The following UTS2 variants were observed in gnomAD, a reference collection of about 807,000 sequenced individuals.
The protein encoded by UTS2 is urotensin-2.
A neutral mutation model predicts 12.6 loss-of-function variants in UTS2; 10 were observed. The observed-to-expected ratio is 0.80, with a 90% confidence interval of 0.49 to 1.35. The LOEUF is 1.35. Among genes scored for constraint, UTS2 ranks in the 40% most tolerant of loss-of-function variants. The probability of loss-of-function intolerance (pLI) is 0.00; values close to 1 mark genes in which losing one functional copy is unlikely to be tolerated. For missense variants in UTS2, 142 were observed against 143.2 expected (o/e 0.99, Z 0.04); for synonymous variants, 52 against 50.0 (o/e 1.04, Z -0.17).
the UTS2 span, among the ~76,000 whole-genome samples, chr1:7,903,936 A>G: frequency 6.6e-6 from 1 of 152,112 alleles, no homozygotes; most frequent in Admixed American, 6.6e-5. Context: ...TCAAAAACGA[A>G]CTTCATGTGT....
chr1:7,871,633 C>A, the UTS2 span, among the ~76,000 whole-genome samples: 1 of 151,998 alleles, frequency 6.6e-6, no homozygotes, highest in African/African-American at 2.4e-5. Context: ...TCTATCAGCA[C>A]CGTTTTTCCA....
the UTS2 span, among the ~76,000 whole-genome samples, chr1:7,878,610 T>C: frequency 5.9e-5 from 9 of 152,194 alleles, no homozygotes; most frequent in African/African-American, 2.2e-4. Context: ...GTGCCTGTAG[T>C]CACAGCTATA....
the UTS2 span, among the ~76,000 whole-genome samples, chr1:7,903,962 A>G: frequency 6.6e-6 from 1 of 152,178 alleles, no homozygotes; most frequent in African/African-American, 2.4e-5. Context: ...TACCCGTCTG[A>G]TGTACCTTCC....
the UTS2 span, among the ~76,000 whole-genome samples, chr1:7,865,302 G>A: frequency 1.2e-5 from 1 of 81,154 alleles, no homozygotes; most frequent in Non-Finnish European, 2.3e-5. Context: ...CTCCCACAGC[G>A]GTCCCTCTGT....
chr1:7,891,551 A>AGAAAGAAAGAAG, the UTS2 span, among the ~76,000 whole-genome samples: 1 of 149,230 alleles, frequency 6.7e-6, no homozygotes, highest in Non-Finnish European at 1.5e-5. Flanking sequence ...AAAGAAAGAA[A>AGAAAGAAAGAAG]GAAAGAAAGA....
At chr1:7,894,732 A>G in the UTS2 span, among the ~76,000 whole-genome samples, 9 of 152,058 alleles carry the variant, frequency 5.9e-5, no homozygotes, top group African/African-American at 9.7e-5. Flanking sequence ...CTGTGATCCC[A>G]ACACTTTGGG....
chr1:7,906,453 AAG>A, the UTS2 span, among the ~76,000 whole-genome samples: 5 of 125,236 alleles, frequency 4.0e-5, no homozygotes, highest in African/African-American at 1.8e-4. Context: ...GAAAAAGAGA[AAG>A]AAAGAAAGAA....
At chr1:7,906,511 A>AAAAGAGG in the UTS2 span, among the ~76,000 whole-genome samples, 1 of 47,762 alleles carries the variant, frequency 2.1e-5, no homozygotes, top group Non-Finnish European at 5.0e-5. Context: ...AAGAAAGAAA[A>AAAAGAGG]GAGGGAGGGA....
At chr1:7,896,197 A>T in the UTS2 span, among the ~76,000 whole-genome samples, 2 of 152,164 alleles carry the variant, frequency 1.3e-5, no homozygotes, top group African/African-American at 2.4e-5. Flanking sequence ...TTTTTCTGTA[A>T]TTAGATACTT....
the UTS2 span, among the ~76,000 whole-genome samples, chr1:7,883,852 T>TC: frequency 6.6e-6 from 1 of 152,090 alleles, no homozygotes; most frequent in African/African-American, 2.4e-5. Flanking sequence ...ATTCTTTTTT[T>TC]TTTTTGAGAT....
intron 2 of UTS2, among the ~76,000 whole-genome samples, chr1:7,850,118 C>T (rs775789229): frequency 9.2e-5 from 14 of 151,896 alleles, no homozygotes; most frequent in Non-Finnish European, 1.3e-4. Flanking sequence ...TACAGGTGCC[C>T]GCCACCATGC....
At chr1:7,854,975 A>G (rs866921927), upstream of UTS2, among the ~76,000 whole-genome samples, 7 of 152,084 alleles carry the variant, frequency 4.6e-5, no homozygotes, top group African/African-American at 1.7e-4. Flanking sequence ...AGCCTGGCCA[A>G]TGTGGTGAAA....
the UTS2 span, among the ~76,000 whole-genome samples, chr1:7,889,474 G>A: frequency 3.4e-4 from 47 of 137,972 alleles, no homozygotes; most frequent in Middle Eastern, 8.3e-3. Context: ...GAAAAGAAAA[G>A]ATGAGAAAAG....
the UTS2 span, among the ~76,000 whole-genome samples, chr1:7,889,898 C>G: frequency 6.6e-6 from 1 of 151,984 alleles, no homozygotes; most frequent in Non-Finnish European, 1.5e-5. Flanking sequence ...AACCCCGTCT[C>G]TATTAAAAAA....
chr1:7,878,201 A>G, the UTS2 span, among the ~76,000 whole-genome samples: 1 of 152,228 alleles, frequency 6.6e-6, no homozygotes, highest in African/African-American at 2.4e-5. Context: ...TGAAAAACAA[A>G]GGAGAAAAAA....
chr1:7,854,527 AAG>A (rs1320032038), upstream of UTS2, among the ~76,000 whole-genome samples: 2 of 8,274 alleles, frequency 2.4e-4, no homozygotes, highest in African/African-American at 2.9e-3. Flanking sequence ...AAAAAAAAAA[AAG>A]AAGAAAGAAA....
chr1:7,901,357 T>C, the UTS2 span, among the ~76,000 whole-genome samples: 1 of 151,966 alleles, frequency 6.6e-6, no homozygotes, highest in Admixed American at 6.6e-5. Flanking sequence ...TAAATGTGGG[T>C]GGTGAAAGAG....
chr1:7,880,056 A>G, the UTS2 span, among the ~76,000 whole-genome samples: 2 of 152,066 alleles, frequency 1.3e-5, no homozygotes, highest in African/African-American at 4.8e-5. Flanking sequence ...TGGGAGTTTT[A>G]GATCAGCCTG....
intron 3 of UTS2, among the ~76,000 whole-genome samples, chr1:7,849,368 G>A (rs1483383211): frequency 1.3e-5 from 2 of 151,806 alleles, no homozygotes; most frequent in African/African-American, 2.4e-5. Context: ...GTGCCACCAC[G>A]CCCAGCTAAT....
Sources: allele counts gnomAD v4.1 joint callset (sites outside exome capture counted in the v4.1 genomes callset), GRCh38; gene constraint gnomAD v4.1.1; transcripts MANE v1.5; gene names NCBI Gene and HGNC (gene_info 2026-07-23, HGNC 2026-07-21).